PRAMEF2: variants seen among roughly 807,000 people sequenced by gnomAD.
PRAMEF2 encodes PRAME family member 2.
Under a neutral mutation model 38.0 loss-of-function variants are expected in PRAMEF2, and 35 were observed. The observed-to-expected ratio is 0.92, with a 90% CI of 0.70 to 1.22. The LOEUF (loss-of-function observed/expected upper bound fraction) is 1.22. PRAMEF2 is among the 50% of genes most tolerant of loss of function. The probability of loss-of-function intolerance (pLI) is 0.00; values close to 1 mark genes in which losing one functional copy is unlikely to be tolerated. For synonymous variants in PRAMEF2, 240 were observed against 232.4 expected (o/e 1.03, Z -0.30); for missense variants, 562 against 553.9 (o/e 1.01, Z -0.15).
In PRAMEF2 at chr1:12,861,244, A is replaced by T. The variant is rs1640543444; in HGVS notation, c.890A>T (p.Asn297Ile). The T allele has an allele frequency of 6.2e-7, 1 of 1,607,694 alleles. No homozygotes were observed. The highest frequency in any genetic ancestry group is 8.5e-7 in the Non-Finnish European group (1 of 1,176,772). The change falls in exon 4 of 4, where the codon AAC (asparagine) becomes ATC (isoleucine). Residue 297 changes from asparagine to isoleucine, a missense_variant. Coordinates refer to ENST00000240189, the MANE Select transcript of PRAMEF2 (RefSeq NM_023014.1). Reference protein sequence around the residue: ...LIRCLQNPLENLELTCGNLLE... With the variant: ...LIRCLQNPLEILELTCGNLLE... The stretch of plus-strand genomic sequence containing the variant: ...AGGTGCCTCCAGAACCCCTTGGAGA[A>T]CTTGGAATTAACTTGTGGCAACCTA...
intron 1 of PRAMEF2, 22 bp from the exon 2 acceptor site, chr1:12,858,963 T>C: frequency 1.3e-6 from 2 of 1,583,904 alleles, no homozygotes; most frequent in Non-Finnish European, 1.7e-6. Flanking sequence ...AGTGATACAT[T>C]CTCCCTGGAT....
rs913409344 is a variant in PRAMEF2, at chr1:12,858,620, C to T, written c.-25-365C>T. Among the ~76,000 whole-genome samples the T allele has an allele frequency of 3.7e-4, 55 of 150,014 alleles. 1 individual carries two copies. Among genetic ancestry groups the T allele is most frequent in the Non-Finnish European group, 5.5e-4 (37 of 67,578 alleles). ...TGAGAATGGAGGCTGTCTGGGCCCACGGGACACTCTCATTCTCAATGCTTT... is the reference window on the plus strand; with the variant it reads ...TGAGAATGGAGGCTGTCTGGGCCCATGGGACACTCTCATTCTCAATGCTTT... On this transcript the variant is annotated intron_variant, in intron 1 of 3. Transcript: ENST00000240189.
chr1:12,861,118 C>T (rs1392938841), intron 3 of PRAMEF2, 103 bp from the exon 4 acceptor site: 11 of 1,348,428 alleles, frequency 8.2e-6, no homozygotes, highest in Non-Finnish European at 1.0e-5. Flanking sequence ...ATGGTGGGAA[C>T]AAACTTGTGT....
chr1:12,861,491 C>T lies in PRAMEF2; in HGVS notation c.1137C>T (p.Leu379=). ...CTGGCCTGAGCTGCTGCTCCCAGCT[C>T]ACCACCTTCTACTTTGGCAGCAATT... ...ILPGLSCCSQ[L]TTFYFGSNCM... Residue 379 remains leucine, a synonymous_variant, in exon 4 of 4, where the codon CTC becomes CTT. Coordinates refer to ENST00000240189, the MANE Select transcript of PRAMEF2 (RefSeq NM_023014.1). The T allele has an allele frequency of 6.2e-7, 1 of 1,606,272 alleles. No homozygotes were observed. Among genetic ancestry groups the T allele is most frequent in the South Asian group, 1.1e-5 (1 of 90,664 alleles).
Position 12,860,049 on chromosome 1 carries a change from C to G in PRAMEF2, c.644C>G (p.Thr215Arg), listed in dbSNP as rs3204801. The G allele has an allele frequency of 2.4e-5, 38 of 1,606,432 alleles. 3 individuals are homozygous for G. Among genetic ancestry groups the G allele is most frequent in the Non-Finnish European group, 3.0e-5 (35 of 1,176,334 alleles). Residue 215 changes from threonine (T) to arginine (R), a missense_variant, in exon 3 of 4, where the codon ACG becomes AGG. Physicochemically the swap from Thr to Arg is moderately conservative, Grantham distance 71. Transcript: ENST00000240189. The stretch of plus-strand genomic sequence containing the variant: ...ATTGGGGAGCTGGAAATTCACAACA[C>G]GTGCTGGCCACATCTGATAAGAAAG... ...NSIGELEIHN[T>R]CWPHLIRKLY...
At position 12,857,953 on chromosome 1, in the gene PRAMEF2, A is replaced by G. The variant is rs1239805043; in HGVS notation, c.-26+806A>G. 1.4e-5 allele frequency among the ~76,000 whole-genome samples: 2 copies of G among 145,092 alleles called. 1 individual carries two copies. Among genetic ancestry groups the G allele is most frequent in the African/African-American group, 5.1e-5 (2 of 39,228 alleles). On this transcript the variant is annotated intron_variant, in intron 1 of 3. Transcript: ENST00000240189. Reference sequence around the variant, plus strand: ...ACCTCAGGAGATCTGCCCCCCTCAGACTCCCAAAGTGCTGGGATTACAGGA... The same window carrying G: ...ACCTCAGGAGATCTGCCCCCCTCAGGCTCCCAAAGTGCTGGGATTACAGGA...
rs1557628640 is a variant in PRAMEF2, at chr1:12,860,103, CT to C, written c.699del (p.Leu234PhefsTer22). ...TATTGTTACCTGAAGGAGATGAAGA[CT>C]CTTTGCAAACTCGTTTTCTCCAGGT... ...KLYCYLKEMK[T>X]LCKLVFSRCH... On this transcript the variant is annotated frameshift_variant, in exon 3 of 4. Coordinates refer to ENST00000240189, the MANE Select transcript of PRAMEF2 (RefSeq NM_023014.1). LOFTEE classifies it high-confidence loss of function. The C allele has an allele frequency of 5.0e-6, 8 of 1,606,588 alleles. No homozygotes were observed. Among genetic ancestry groups the C allele is most frequent in the Admixed American group, 1.7e-5 (1 of 58,110 alleles).
At position 12,861,302 on chromosome 1, in the gene PRAMEF2, C is replaced by A; in HGVS notation, c.948C>A (p.Phe316Leu). Residue 316 changes from phenylalanine (F) to leucine (L), a missense_variant, in exon 4 of 4, where the codon TTC becomes TTA. Transcript: ENST00000240189. ...LEEDLKCLSQ[F>L]PSLGYLKHLN... ...AGGACTTGAAGTGTCTCTCCCAGTT[C>A]CCAAGCCTCGGTTACCTAAAGCATC... 1 of 1,607,210 alleles carries A rather than the reference C, an allele frequency of 6.2e-7. No homozygotes were observed. Among genetic ancestry groups the A allele is most frequent in the Non-Finnish European group, 8.5e-7 (1 of 1,176,732 alleles).
intron 1 of PRAMEF2, among the ~76,000 whole-genome samples, chr1:12,858,314 T>G (rs543595586): frequency 1.4e-4 from 21 of 150,262 alleles, no homozygotes; most frequent in Admixed American, 1.3e-3. Flanking sequence ...TGGAGTGCAG[T>G]GGTGTGATGT....
At chr1:12,857,202 G>C (rs1640463792) in intron 1 of PRAMEF2, 55 bp downstream of exon 1, 1 of 147,948 alleles carries the variant, frequency 6.8e-6, no homozygotes, top group Admixed American at 7.0e-5. Flanking sequence ...CAGCCAGTCA[G>C]GGACGGTGAC....
Position 12,857,565 on chromosome 1 carries a change from T to C in PRAMEF2, c.-26+418T>C, listed in dbSNP as rs1640469043. Among the ~76,000 whole-genome samples, 2 of 140,970 alleles carry C rather than the reference T, an allele frequency of 1.4e-5. 1 individual carries two copies. Among genetic ancestry groups the C allele is most frequent in the Admixed American group, 1.5e-4 (2 of 13,792 alleles). 92.5% of individuals were successfully genotyped at this position (140,970 alleles called of 152,430 possible). On this transcript the variant is annotated intron_variant, in intron 1 of 3. Transcript: ENST00000240189. Reference sequence around the variant, plus strand: ...CAAGAGTGCAGTTTTGCTCAGATTGTGGGATTTATTTTTGACCCTAGGATC... The same window carrying C: ...CAAGAGTGCAGTTTTGCTCAGATTGCGGGATTTATTTTTGACCCTAGGATC...
At position 12,860,262 on chromosome 1, in the gene PRAMEF2, A is replaced by G. The variant is rs1186205343; in HGVS notation, c.857A>G (p.Gln286Arg). The change falls in exon 3 of 4, where the codon CAG becomes CGG. Residue 286 changes from glutamine (Q) to arginine (R), a missense_variant. Transcript: ENST00000240189. ...LITFFSGHLEQLIRCLQNPLE... is the reference protein window; with the variant it reads ...LITFFSGHLERLIRCLQNPLE... The stretch of plus-strand genomic sequence containing the variant: ...ACCTTCTTCAGTGGGCACCTGGAAC[A>G]GCTGATCAGGTGAGAAAGGATTGTG... 2 of 1,606,884 alleles carry G rather than the reference A, an allele frequency of 1.2e-6. No homozygotes were observed. Among genetic ancestry groups the G allele is most frequent in the East Asian group, 4.5e-5 (2 of 44,722 alleles).
chr1:12,857,653 T>C (rs111413684), intron 1 of PRAMEF2, among the ~76,000 whole-genome samples: 4,277 of 136,826 alleles, frequency 0.031, 91 homozygotes, highest in East Asian at 0.16. Context: ...ACCTTCATCT[T>C]AGAGTTACAG....
In PRAMEF2 at chr1:12,861,399, G is replaced by A. The variant is rs137965043; in HGVS notation, c.1045G>A (p.Ala349Thr). Residue 349 changes from alanine (A) to threonine (T), a missense_variant, in exon 4 of 4, where the codon GCC (alanine) becomes ACC (threonine). Coordinates refer to ENST00000240189, the MANE Select transcript of PRAMEF2 (RefSeq NM_023014.1). ...PLGALLEKIA[A>T]SLETLVLEGC... ...AGGAGCTCTGCTAGAGAAAATTGCT[G>A]CCTCTCTCGAGACCCTCGTGTTAGA... The A allele has an allele frequency of 2.2e-4, 350 of 1,603,234 alleles. 21 individuals carry two copies. In the African/African-American group the frequency reaches 4.1e-3, roughly 19 times the overall value.
chr1:12,859,463 CT>C (rs1438459463), intron 2 of PRAMEF2, among the ~76,000 whole-genome samples, 167 bp downstream of exon 2: 1 of 150,914 alleles, frequency 6.6e-6, no homozygotes, highest in African/African-American at 2.4e-5. Context: ...GAAAGGACTG[CT>C]CACCATACAG....
At chr1:12,860,328 A>G (rs1465043754) in intron 3 of PRAMEF2, 57 bp downstream of exon 3, 3 of 1,596,448 alleles carry the variant, frequency 1.9e-6, no homozygotes, top group African/African-American at 2.7e-5. Context: ...GTTCTGTTAC[A>G]GCAAACATTA....
chr1:12,859,083 T>C lies in PRAMEF2; in HGVS notation c.74T>C (p.Ile25Thr), dbSNP rs758939160. ...QSLLRDQALS[I>T]SAMEELPRVL... ...CTGCTGAGAGACCAGGCCTTGTCCA[T>C]CTCTGCCATGGAGGAGCTGCCCAGG... Residue 25 changes from isoleucine (I) to threonine (T), a missense_variant, in exon 2 of 4, where the codon ATC (isoleucine) becomes ACC (threonine). By Grantham distance (89) the Ile-to-Thr change is moderately conservative. Around this residue, in one of 2 missense-constraint regions of PRAMEF2, gnomAD observed 486 missense variants for 444.2 expected, o/e 1.09. Transcript: ENST00000240189. 2.5e-6 allele frequency: 4 copies of C among 1,604,318 alleles called. No homozygotes were observed. Among genetic ancestry groups the C allele is most frequent in the Non-Finnish European group, 3.4e-6 (4 of 1,176,466 alleles).
At chr1:12,859,607 G>A in intron 2 of PRAMEF2, 86 bp from the exon 3 acceptor site, 1 of 1,575,852 alleles carries the variant, frequency 6.3e-7, no homozygotes, top group East Asian at 2.2e-5. Flanking sequence ...GAGGACAGGA[G>A]CAGCTGATTT....
At chr1:12,860,925 G>A (rs3121084) in intron 3 of PRAMEF2, among the ~76,000 whole-genome samples, 1 of 147,790 alleles carries the variant, frequency 6.8e-6, no homozygotes, top group African/African-American at 2.5e-5. Context: ...CATCTCCCAC[G>A]GGGTACCTGT....
Sources: gnomAD v4.1 joint callset for allele counts (sites outside exome capture counted in the v4.1 genomes callset) on GRCh38, gnomAD v4.1.1 for gene constraint, gnomAD v4.1.1 regional missense constraint, MANE v1.5 for transcripts, NCBI Gene and HGNC (gene_info 2026-07-23, HGNC 2026-07-21) for gene names.